Variants in GALNT2 observed in about 807,000 individuals in gnomAD.
GALNT2 encodes the protein polypeptide N-acetylgalactosaminyltransferase 2, also known as UDP-GalNAc:polypeptide N-acetylgalactosaminyltransferase 2.
In GALNT2, 31 loss-of-function variants were observed where a neutral mutation model predicts 81.4. That is an observed-to-expected ratio of 0.38 (90% CI 0.29 to 0.51). GALNT2 has a LOEUF of 0.51. Ranked by LOEUF, GALNT2 falls within the 20% of genes least tolerant of loss-of-function variation. The pLI is 0.87. For synonymous variants in GALNT2, 303 were observed against 287.4 expected (o/e 1.05, Z -0.55); for missense variants, 629 against 765.7 (o/e 0.82, Z 2.11).
intron 6 of GALNT2, among the ~76,000 whole-genome samples, chr1:230,241,063 T>C (rs1360317837): frequency 2.6e-5 from 4 of 152,234 alleles, no homozygotes; most frequent in Non-Finnish European, 5.9e-5. Context: ...TTCTTTTTTA[T>C]AGTTTTTATT....
At chr1:230,128,711 G>C (rs1054900978) in intron 1 of GALNT2, among the ~76,000 whole-genome samples, 15 of 152,106 alleles carry the variant, frequency 9.9e-5, no homozygotes, top group Admixed American at 6.5e-4. Flanking sequence ...GTGTTGGCTG[G>C]GAGGCATCTG....
chr1:230,252,019 A>G (rs1665559684), intron 10 of GALNT2, among the ~76,000 whole-genome samples: 1 of 152,158 alleles, frequency 6.6e-6, no homozygotes. Flanking sequence ...GAACCCTGCA[A>G]GCAGGAGCAC....
Position 230,067,388 on chromosome 1 carries a change from C to A in GALNT2, c.108C>A (p.Gly36=). Residue 36 remains glycine, a synonymous_variant, in exon 1 of 16, where the codon GGC becomes GGA. Coordinates refer to ENST00000366672, the MANE Select transcript of GALNT2 (RefSeq NM_004481.5). The stretch of plus-strand genomic sequence containing the variant: ...GCTCTGCGCTGGCCGGGGGCGCGGG[C>A]GGCGGCGCCGGCAGGAAGGTGAGTG... ...GGGSALAGGA[G]GGAGRKEDWN... 7.9e-7 allele frequency: 1 copy of A among 1,262,140 alleles called. No individual in the cohort carries two copies. The highest frequency in any genetic ancestry group is 1.0e-6 in the Non-Finnish European group (1 of 997,240). The allele number at this position is 1,262,140 out of a possible 1,614,324, so 78.2% of individuals were successfully genotyped here.
chr1:230,193,788 A>C lies in GALNT2; in HGVS notation c.221-9349A>C, dbSNP rs1318452457. Among the ~76,000 whole-genome samples, 1 of 152,202 alleles carries C rather than the reference A, an allele frequency of 6.6e-6. No homozygotes were observed. Among genetic ancestry groups the C allele is most frequent in the Non-Finnish European group, 1.5e-5 (1 of 68,026 alleles). ...TTAGGATCCCAGAATGAACTGTCCC[A>C]TGGAAATGGTGTCCTGAGTGGCACT... On this transcript the variant is annotated intron_variant, in intron 2 of 15. Transcript: ENST00000366672. The surrounding 1 kb of genome is among the most constrained non-coding windows in gnomAD (Gnocchi z 4.3).
intron 3 of GALNT2, among the ~76,000 whole-genome samples, chr1:230,235,652 C>G (rs1270292687): frequency 1.3e-5 from 2 of 152,172 alleles, no homozygotes; most frequent in Non-Finnish European, 2.9e-5. Context: ...TTGGTTCTGC[C>G]CTTCGGAAAT....
At chr1:230,144,935 G>C (rs533513193) in intron 1 of GALNT2, among the ~76,000 whole-genome samples, 5 of 152,246 alleles carry the variant, frequency 3.3e-5, no homozygotes, top group African/African-American at 1.2e-4. Context: ...AGCCTTCAGT[G>C]ATCTCCCCGC....
At chr1:230,125,559 C>T (rs558828043) in intron 1 of GALNT2, among the ~76,000 whole-genome samples, 9 of 152,288 alleles carry the variant, frequency 5.9e-5, no homozygotes, top group Non-Finnish European at 1.0e-4. Flanking sequence ...TGTGGGATTT[C>T]GTCAATAATG....
At chr1:230,192,990 A>G (rs994589846) in intron 2 of GALNT2, among the ~76,000 whole-genome samples, 2 of 152,220 alleles carry the variant, frequency 1.3e-5, no homozygotes, top group African/African-American at 4.8e-5. Flanking sequence ...ATGGTGTAGC[A>G]TTATGACCTT....
chr1:230,185,710 C>A (rs973855787), intron 2 of GALNT2, among the ~76,000 whole-genome samples: 28 of 152,202 alleles, frequency 1.8e-4, no homozygotes, highest in Non-Finnish European at 2.6e-4. Context: ...TTATTTTCCC[C>A]TCTCACTGTT....
chr1:230,258,504 C>T (rs1453964039), intron 11 of GALNT2, among the ~76,000 whole-genome samples: 4 of 152,196 alleles, frequency 2.6e-5, no homozygotes, highest in Non-Finnish European at 4.4e-5. Context: ...GGATTATAGA[C>T]GTGAGCCACC....
At chr1:230,170,463 C>G (rs892960681) in intron 1 of GALNT2, among the ~76,000 whole-genome samples, 3 of 152,174 alleles carry the variant, frequency 2.0e-5, no homozygotes, top group Non-Finnish European at 4.4e-5. Context: ...AAAAACTGAT[C>G]TCTTTTATAA....
At chr1:230,237,751 C>A (rs1358475634) in intron 6 of GALNT2, among the ~76,000 whole-genome samples, 1 of 151,832 alleles carries the variant, frequency 6.6e-6, no homozygotes, top group Non-Finnish European at 1.5e-5. Flanking sequence ...AAAAAGGGGG[C>A]AATTTGCTGC....
At chr1:230,190,811 G>A (rs972358682) in intron 2 of GALNT2, among the ~76,000 whole-genome samples, 1 of 152,144 alleles carries the variant, frequency 6.6e-6, no homozygotes, top group Non-Finnish European at 1.5e-5. Context: ...TTTAATGGCA[G>A]CAACATCTCG....
chr1:230,187,640 C>T (rs966767776), intron 2 of GALNT2, among the ~76,000 whole-genome samples: 6 of 152,204 alleles, frequency 3.9e-5, no homozygotes, highest in African/African-American at 1.4e-4. Context: ...CTCTTGGTAC[C>T]TGAATTCTCG....
intron 1 of GALNT2, among the ~76,000 whole-genome samples, chr1:230,067,916 C>T (rs1659248973): frequency 6.6e-6 from 1 of 152,216 alleles, no homozygotes; most frequent in Non-Finnish European, 1.5e-5. Flanking sequence ...TTTCTGCCAC[C>T]TTCTTTGCCC....
chr1:230,071,180 G>C (rs1036721328), intron 1 of GALNT2, among the ~76,000 whole-genome samples: 1 of 152,226 alleles, frequency 6.6e-6, no homozygotes, highest in Non-Finnish European at 1.5e-5. Flanking sequence ...TACAATTCTT[G>C]ATTTCTGGAA....
At chr1:230,188,092 C>T (rs1319853596) in intron 2 of GALNT2, among the ~76,000 whole-genome samples, 2 of 152,100 alleles carry the variant, frequency 1.3e-5, no homozygotes, top group Non-Finnish European at 2.9e-5. Context: ...TATTTCCCTG[C>T]CTCCTGTTTG....
intron 3 of GALNT2, among the ~76,000 whole-genome samples, chr1:230,223,631 G>A (rs905414115): frequency 1.8e-4 from 27 of 151,880 alleles, no homozygotes; most frequent in African/African-American, 6.3e-4. Context: ...CCATCACACC[G>A]GGTAAATTTT....
intron 1 of GALNT2, among the ~76,000 whole-genome samples, chr1:230,159,178 T>C (rs1662354312): frequency 6.6e-6 from 1 of 152,224 alleles, no homozygotes; most frequent in South Asian, 2.1e-4. Flanking sequence ...CCCTGCCCTA[T>C]TGGCTGCACC....
Sources: gnomAD v4.1 joint callset for allele counts (sites outside exome capture counted in the v4.1 genomes callset) on GRCh38, gnomAD v4.1.1 for gene constraint, Gnocchi (gnomAD v3.1) non-coding constraint, MANE v1.5 for transcripts, NCBI Gene and HGNC (gene_info 2026-07-23, HGNC 2026-07-21) for gene names.